PCDHGA5: variants seen among roughly 807,000 people sequenced by gnomAD.
PCDHGA5 encodes the protein protocadherin gamma-A5.
In PCDHGA5, 36 loss-of-function variants were observed where a neutral mutation model predicts 56.7. The observed-to-expected ratio is 0.64, with a 90% CI of 0.49 to 0.84. PCDHGA5 has a LOEUF of 0.84. Among genes scored for constraint, PCDHGA5 ranks in the 40% least tolerant of loss-of-function variants. The probability of loss-of-function intolerance (pLI) is 0.00; values close to 1 mark genes in which losing one functional copy is unlikely to be tolerated. For missense variants in PCDHGA5, 1,305 were observed against 1,201.5 expected (o/e 1.09, Z -1.27); for synonymous variants, 563 against 520.2 (o/e 1.08, Z -1.12).
At position 141,401,132 on chromosome 5, in the gene PCDHGA5, A is replaced by G. The variant is rs534048041; in HGVS notation, c.2421+34381A>G. Among the ~76,000 whole-genome samples, 4 of 152,344 alleles carry G rather than the reference A, an allele frequency of 2.6e-5. No homozygotes were observed. In the South Asian group the frequency reaches 8.3e-4, roughly 32 times the overall value. ...GCCGAGGCGGTTGGATCACATGGTCAGGAGTTCAAGACCAGCCTGGGCAAT... is the reference window on the plus strand; with the variant it reads ...GCCGAGGCGGTTGGATCACATGGTCGGGAGTTCAAGACCAGCCTGGGCAAT... On this transcript the variant is annotated intron_variant, in intron 1 of 3. Coordinates refer to ENST00000518069, the MANE Select transcript of PCDHGA5 (RefSeq NM_018918.3).
chr5:141,375,671 C>T (rs781705381), intron 1 of PCDHGA5: 14 of 1,614,148 alleles, frequency 8.7e-6, no homozygotes, highest in South Asian at 7.7e-5. Context: ...AGACCTACAG[C>T]TGTGGGTGAC....
chr5:141,371,809 C>T lies in PCDHGA5; in HGVS notation c.2421+5058C>T, dbSNP rs1768063576. The T allele has an allele frequency of 2.5e-6, 4 of 1,613,910 alleles. No homozygotes were observed. In the East Asian group the frequency reaches 6.7e-5, roughly 27 times the overall value. ...AACAATCCGCCTGGAGCCTCCATTG[C>T]GCATGTCAGAGCCTCGGATCCCGAC... is the stretch of plus-strand genomic sequence containing the variant. On this transcript the variant is annotated intron_variant, in intron 1 of 3. Transcript: ENST00000518069.
At chr5:141,501,716 A>G (rs2099810687) in intron 2 of PCDHGA5, among the ~76,000 whole-genome samples, 1 of 152,160 alleles carries the variant, frequency 6.6e-6, no homozygotes, top group African/African-American at 2.4e-5. Flanking sequence ...TAAAAAAGAC[A>G]AATATATTAC....
intron 1 of PCDHGA5, chr5:141,399,985 G>A (rs775731140): frequency 6.2e-7 from 1 of 1,612,396 alleles, no homozygotes; most frequent in South Asian, 1.1e-5. Flanking sequence ...GCTGCGCACA[G>A]GAGAGGTGCG....
chr5:141,422,833 C>T, intron 1 of PCDHGA5: 2 of 1,614,224 alleles, frequency 1.2e-6, no homozygotes, highest in East Asian at 2.2e-5. Context: ...AGTGATAGCA[C>T]GTGACAGCGG....
chr5:141,424,169 A>G (rs542346399), intron 1 of PCDHGA5: 20 of 225,850 alleles, frequency 8.9e-5, no homozygotes, highest in Middle Eastern at 2.3e-3. Context: ...TCATCTATCT[A>G]TCTATACACA....
intron 1 of PCDHGA5, among the ~76,000 whole-genome samples, chr5:141,381,853 G>A (rs1391897608): frequency 1.4e-5 from 1 of 72,944 alleles, no homozygotes; most frequent in Non-Finnish European, 2.5e-5. Flanking sequence ...TTTTTTGGCA[G>A]AGTTTTGCTC....
chr5:141,376,027 C>A (rs750383085), intron 1 of PCDHGA5: 30 of 1,613,250 alleles, frequency 1.9e-5, no homozygotes, highest in Non-Finnish European at 2.5e-5. Context: ...CCGTCCAGGA[C>A]CACGGCCAGC....
rs1020682392 is a variant in PCDHGA5 at position 141,371,814 on chromosome 5, G to A, written c.2421+5063G>A. 2.5e-6 allele frequency: 4 copies of A among 1,613,774 alleles called. No individual in the cohort carries two copies. In the East Asian group the frequency reaches 6.7e-5, roughly 27 times the overall value. Reference sequence around the variant, plus strand: ...TCCGCCTGGAGCCTCCATTGCGCATGTCAGAGCCTCGGATCCCGACTTGGG... The same window carrying A: ...TCCGCCTGGAGCCTCCATTGCGCATATCAGAGCCTCGGATCCCGACTTGGG... On this transcript the variant is annotated intron_variant, in intron 1 of 3. Transcript: ENST00000518069.
At chr5:141,395,222 AG>A (rs2093199234) in intron 1 of PCDHGA5, 1 of 1,611,488 alleles carries the variant, frequency 6.2e-7, no homozygotes, top group African/African-American at 1.3e-5. Context: ...ATAAGAATGA[AG>A]CTGATCATGG....
At chr5:141,507,724 G>A (rs2099862962) in intron 3 of PCDHGA5, among the ~76,000 whole-genome samples, 1 of 152,256 alleles carries the variant, frequency 6.6e-6, no homozygotes. Context: ...CTCCAAGCAA[G>A]TCATGCAGCT....
At chr5:141,475,902 C>T (rs1296545944) in intron 1 of PCDHGA5, 1 of 576,594 alleles carries the variant, frequency 1.7e-6, no homozygotes, top group Non-Finnish European at 3.0e-6. Context: ...GTGCCGCTGT[C>T]GGCCAATGAA....
chr5:141,458,292 T>C (rs2098941901), intron 1 of PCDHGA5, among the ~76,000 whole-genome samples: 1 of 152,146 alleles, frequency 6.6e-6, no homozygotes, highest in Admixed American at 6.5e-5. Flanking sequence ...GTCCTCATGC[T>C]GGTTTAGATA....
intron 3 of PCDHGA5, among the ~76,000 whole-genome samples, chr5:141,510,369 C>G (rs1403924479): frequency 7.1e-6 from 1 of 140,308 alleles, no homozygotes; most frequent in Non-Finnish European, 1.6e-5. Context: ...TACCGAATCT[C>G]TACTCGTGCC....
chr5:141,434,852 A>G (rs1382212982), intron 1 of PCDHGA5, among the ~76,000 whole-genome samples: 2 of 151,990 alleles, frequency 1.3e-5, no homozygotes, highest in Non-Finnish European at 2.9e-5. Context: ...AGACATCAAT[A>G]AATTTATATA....
intron 1 of PCDHGA5, chr5:141,370,869 G>C: frequency 6.2e-7 from 1 of 1,614,036 alleles, no homozygotes. Context: ...ATCTGCGCAA[G>C]ATCCTGATGT....
chr5:141,419,103 C>A, intron 1 of PCDHGA5: 1 of 1,613,886 alleles, frequency 6.2e-7, no homozygotes, highest in South Asian at 1.1e-5. Flanking sequence ...CGGGAGCAGA[C>A]CCCAGAGTAC....
chr5:141,420,804 G>C (rs1283868316), intron 1 of PCDHGA5, among the ~76,000 whole-genome samples: 1 of 152,188 alleles, frequency 6.6e-6, no homozygotes, highest in Non-Finnish European at 1.5e-5. Context: ...TAAAAATTAA[G>C]CAAGCCCTTT....
At position 141,449,665 on chromosome 5, in the gene PCDHGA5, G is replaced by T. The variant is rs144213743; in HGVS notation, c.2422-45142G>T. 9.3e-5 allele frequency among the ~76,000 whole-genome samples: 14 copies of T among 150,156 alleles called. No individual in the cohort carries two copies. In the East Asian group the frequency reaches 2.7e-3, roughly 29 times the overall value. Reference sequence around the variant, plus strand: ...TATACATATTTACATACACACCCAAGTGTGTATGTATATATGTTTGTGTGT... The same window carrying T: ...TATACATATTTACATACACACCCAATTGTGTATGTATATATGTTTGTGTGT... On this transcript the variant is annotated intron_variant, in intron 1 of 3. Coordinates refer to ENST00000518069, the MANE Select transcript of PCDHGA5 (RefSeq NM_018918.3).
Sources: gnomAD v4.1 joint callset for allele counts (sites outside exome capture counted in the v4.1 genomes callset) on GRCh38, gnomAD v4.1.1 for gene constraint, MANE v1.5 for transcripts, NCBI Gene and HGNC (gene_info 2026-07-23, HGNC 2026-07-21) for gene names.